Variants in CDH4 observed in about 807,000 individuals in gnomAD.
CDH4 encodes the protein cadherin 4.
A neutral mutation model predicts 86.0 loss-of-function variants in CDH4; 33 were observed. The ratio of observed to expected loss-of-function variants is 0.38; its 90% CI spans 0.29 to 0.51. The LOEUF (loss-of-function observed/expected upper bound fraction) is 0.51. Ranked by LOEUF, CDH4 falls within the 20% of genes least tolerant of loss-of-function variation. The pLI, the probability that CDH4 is intolerant of heterozygous loss-of-function variation, is 0.86. For synonymous variants in CDH4, 555 were observed against 549.4 expected (o/e 1.01, Z -0.14); for missense variants, 1,114 against 1,307.4 (o/e 0.85, Z 2.28).
chr20:61,364,632 C>T (rs117195954), intron 2 of CDH4, among the ~76,000 whole-genome samples: 3,412 of 152,318 alleles, frequency 0.022, 61 homozygotes, highest in Middle Eastern at 0.058. Flanking sequence ...TCCTGGTGCA[C>T]ATGCTGTCCA....
intron 2 of CDH4, among the ~76,000 whole-genome samples, chr20:61,604,841 G>T (rs770382137): frequency 9.9e-5 from 15 of 152,182 alleles, no homozygotes; most frequent in Admixed American, 2.0e-4. Flanking sequence ...GTCACTTCAG[G>T]AGAAATGGAA....
At position 61,383,368 on chromosome 20, in the gene CDH4, AATATATATGG is replaced by A. The variant is rs1239659767; in HGVS notation, c.169+128441_169+128450del. On this transcript the variant is annotated intron_variant, in intron 2 of 15. Transcript: ENST00000614565. The stretch of plus-strand genomic sequence containing the variant: ...ATATGAATATATATGGATATATATG[AATATATATGG>A]ATATATATGAATATATGATATATAT... Among the ~76,000 whole-genome samples, 91 of 80,460 alleles carry A rather than the reference AATATATATGG, an allele frequency of 1.1e-3. 14 individuals carry two copies. Among genetic ancestry groups the A allele is most frequent in the African/African-American group, 4.9e-3 (87 of 17,856 alleles). The allele number at this position is 80,460 out of a possible 152,430, so 52.8% of individuals were successfully genotyped here. A position where few individuals can be genotyped will look rare whatever the true frequency, so the allele number is the denominator to read the frequency against.
chr20:61,570,525 G>A (rs1279439152), intron 2 of CDH4: 3 of 616,816 alleles, frequency 4.9e-6, no homozygotes, highest in Non-Finnish European at 8.8e-6. Context: ...TGAGAAGGTC[G>A]ATGACAAGGC....
At chr20:61,413,651 G>A (rs1265996554) in intron 2 of CDH4, among the ~76,000 whole-genome samples, 7 of 152,228 alleles carry the variant, frequency 4.6e-5, no homozygotes. Context: ...GGCGCTGGCG[G>A]TTGGATGGGC....
At chr20:61,399,737 T>C (rs2085039676) in intron 2 of CDH4, among the ~76,000 whole-genome samples, 1 of 152,248 alleles carries the variant, frequency 6.6e-6, no homozygotes, top group African/African-American at 2.4e-5. Context: ...CAGTGTTTTT[T>C]CAACCTGCCT....
intron 2 of CDH4, among the ~76,000 whole-genome samples, chr20:61,522,481 T>C (rs2085877090): frequency 6.6e-6 from 1 of 152,286 alleles, no homozygotes; most frequent in South Asian, 2.1e-4. Flanking sequence ...TTTTTCAATA[T>C]CACATTACAA....
In CDH4 at chr20:61,417,271, T is replaced by C. The variant is rs2085152308; in HGVS notation, c.169+162334T>C. On this transcript the variant is annotated intron_variant, in intron 2 of 15. Transcript: ENST00000614565. This position sits in a 1 kb window ranked among gnomAD's most constrained non-coding sequence, Gnocchi z 4.0. The stretch of plus-strand genomic sequence containing the variant: ...TCCCTCTCACTCTTTTCTCCCACTC[T>C]CCCCCTCCTCCCTCTCTGTCTTTCT... Among the ~76,000 whole-genome samples, 1 of 151,244 alleles carries C rather than the reference T, an allele frequency of 6.6e-6. No homozygotes were observed. The highest frequency in any genetic ancestry group is 6.6e-5 in the Admixed American group (1 of 15,184).
At chr20:61,878,789 G>A (rs188011165) in intron 7 of CDH4, among the ~76,000 whole-genome samples, 179 of 152,344 alleles carry the variant, frequency 1.2e-3, no homozygotes, top group African/African-American at 4.1e-3. Flanking sequence ...CCTGTCTCCC[G>A]CCTTGCACAC....
intron 8 of CDH4, among the ~76,000 whole-genome samples, chr20:61,909,439 G>A (rs2054826412): frequency 6.6e-6 from 1 of 152,184 alleles, no homozygotes; most frequent in Non-Finnish European, 1.5e-5. Flanking sequence ...GAGCTTGCAA[G>A]GTTCCTGCAA....
intron 7 of CDH4, among the ~76,000 whole-genome samples, chr20:61,884,897 C>A (rs1027864697): frequency 1.3e-5 from 2 of 152,096 alleles, no homozygotes; most frequent in African/African-American, 4.8e-5. Flanking sequence ...GTTGGGACAC[C>A]GGCTGGAGCC....
intron 2 of CDH4, among the ~76,000 whole-genome samples, chr20:61,581,684 G>C (rs905324278): frequency 2.0e-5 from 3 of 152,164 alleles, no homozygotes; most frequent in African/African-American, 7.2e-5. Context: ...CCGTGACCCA[G>C]GGTAATCTCC....
intron 4 of CDH4, among the ~76,000 whole-genome samples, chr20:61,818,434 G>C (rs1454519497): frequency 6.6e-6 from 1 of 152,140 alleles, no homozygotes; most frequent in African/African-American, 2.4e-5. Context: ...CCGGCACTTT[G>C]GGAGCTGAAG....
intron 6 of CDH4, among the ~76,000 whole-genome samples, chr20:61,857,374 G>A (rs1277496964): frequency 6.6e-6 from 1 of 152,240 alleles, no homozygotes; most frequent in Non-Finnish European, 1.5e-5. Flanking sequence ...CCGCAGACCC[G>A]TACCACAGAC....
intron 2 of CDH4, among the ~76,000 whole-genome samples, chr20:61,258,351 A>AAAAG (rs2084112164): frequency 6.7e-6 from 1 of 149,346 alleles, no homozygotes; most frequent in African/African-American, 2.5e-5. Context: ...AAAAAGAAAA[A>AAAAG]AAAAAAAGAA....
intron 2 of CDH4, among the ~76,000 whole-genome samples, chr20:61,431,123 C>T (rs1000748717): frequency 6.6e-6 from 1 of 152,186 alleles, no homozygotes; most frequent in African/African-American, 2.4e-5. Context: ...CAGATCCACC[C>T]AAGGAATTCC....
At chr20:61,565,110 GTGCTGGTGCTCT>G (rs1568688081) in intron 2 of CDH4, among the ~76,000 whole-genome samples, 4 of 118,156 alleles carry the variant, frequency 3.4e-5, no homozygotes, top group Non-Finnish European at 5.5e-5. Context: ...GCTCTTGGTG[GTGCTGGTGCTCT>G]TGGTGGTGCT....
chr20:61,618,455 A>C (rs1245003690), intron 2 of CDH4, among the ~76,000 whole-genome samples: 1 of 152,192 alleles, frequency 6.6e-6, no homozygotes, highest in Non-Finnish European at 1.5e-5. Flanking sequence ...AGTGGGCCTC[A>C]TGAGACTGGT....
intron 2 of CDH4, among the ~76,000 whole-genome samples, chr20:61,274,409 T>C (rs1453783094): frequency 7.6e-5 from 8 of 104,712 alleles, no homozygotes; most frequent in South Asian, 3.7e-4. Flanking sequence ...CTGTGTGCAG[T>C]TTGGGGGAGT....
intron 2 of CDH4, among the ~76,000 whole-genome samples, chr20:61,373,329 G>C (rs1006143707): frequency 2.0e-5 from 3 of 152,264 alleles, no homozygotes; most frequent in Non-Finnish European, 2.9e-5. Context: ...GGGAGAGCCA[G>C]GGATCCCGAG....
Sources: allele counts gnomAD v4.1 joint callset (sites outside exome capture counted in the v4.1 genomes callset), GRCh38; gene constraint gnomAD v4.1.1; non-coding constraint Gnocchi (gnomAD v3.1); transcripts MANE v1.5; gene names NCBI Gene and HGNC (gene_info 2026-07-23, HGNC 2026-07-21).